MCPH1: variants seen among roughly 807,000 people sequenced by gnomAD.
MCPH1 encodes the protein microcephalin 1.
A neutral mutation model predicts 84.5 loss-of-function variants in MCPH1; 104 were observed. The observed-to-expected ratio is 1.23, with a 90% CI of 1.05 to 1.45. The LOEUF is 1.45. Among genes scored for constraint, MCPH1 ranks in the 40% most tolerant of loss-of-function variants. The pLI, the probability that MCPH1 is intolerant of heterozygous loss-of-function variation, is 0.00. For synonymous variants in MCPH1, 514 were observed against 366.8 expected (o/e 1.40, Z -4.58); for missense variants, 1,498 against 1,005.7 (o/e 1.49, Z -6.62).
chr8:6,565,065 C>T (rs895884435), intron 12 of MCPH1, among the ~76,000 whole-genome samples: 3 of 152,094 alleles, frequency 2.0e-5, no homozygotes, highest in Admixed American at 1.3e-4. Context: ...GACAGTGCAC[C>T]GTCGAAGAAA....
chr8:6,474,768 G>A (rs986622159), intron 9 of MCPH1, among the ~76,000 whole-genome samples: 4 of 152,180 alleles, frequency 2.6e-5, no homozygotes, highest in African/African-American at 9.7e-5. Context: ...TGGAGTCCAA[G>A]ATGGGAGGAT....
chr8:6,467,241 C>G (rs1050716073), intron 9 of MCPH1, among the ~76,000 whole-genome samples: 1 of 152,160 alleles, frequency 6.6e-6, no homozygotes, highest in African/African-American at 2.4e-5. Context: ...GACTGTCAAA[C>G]CAGTGACTGG....
intron 9 of MCPH1, among the ~76,000 whole-genome samples, chr8:6,474,720 TG>T (rs1808212265): frequency 6.6e-6 from 1 of 152,200 alleles, no homozygotes; most frequent in Admixed American, 6.5e-5. Context: ...ATAGTGTGGC[TG>T]GGCACAGTGG....
chr8:6,570,759 T>C (rs1003646860), intron 12 of MCPH1, among the ~76,000 whole-genome samples: 2 of 151,934 alleles, frequency 1.3e-5, no homozygotes, highest in Non-Finnish European at 2.9e-5. Context: ...TCTGTGTTCA[T>C]TGTGAAATCG....
In MCPH1 at chr8:6,642,723, C is replaced by T. The variant is rs2433148; in HGVS notation, c.2453-271C>T. 0.13 allele frequency: 65,643 copies of T among 506,872 alleles called. 4,684 individuals carry two copies. The highest frequency in any genetic ancestry group is 0.2 in the African/African-American group (10,465 of 51,882). The allele number at this position is 506,872 out of a possible 1,614,324, so 31.4% of individuals were successfully genotyped here. A position where few individuals can be genotyped will look rare whatever the true frequency, so the allele number is the denominator to read the frequency against. The stretch of plus-strand genomic sequence containing the variant: ...CTGCCCACTGAGTGTCCTGACACAA[C>T]GGGAACGTGCCCTGCATCTAATGGG... On this transcript the variant is annotated intron_variant, in intron 13 of 13. Transcript: ENST00000344683.
Position 6,455,257 on chromosome 8 carries a change from G to C in MCPH1, c.1935+5G>C. The C allele has an allele frequency of 6.3e-7, 1 of 1,587,940 alleles. No homozygotes were observed. Among genetic ancestry groups the C allele is most frequent in the Non-Finnish European group, 8.6e-7 (1 of 1,156,242 alleles). ...AAAAGTGGGAGAGGCAAAAAGGTCA[G>C]TGTGTAAAAATATTATTTTAAACTT... On this transcript the variant is annotated splice_donor_5th_base_variant and intron_variant, in intron 9 of 13. Transcript: ENST00000344683.
At position 6,588,587 on chromosome 8, in the gene MCPH1, T is replaced by G. The variant is rs77364216; in HGVS notation, c.2215-32867T>G. Among the ~76,000 whole-genome samples the G allele has an allele frequency of 2.1e-4, 32 of 152,352 alleles. No individual in the cohort carries two copies. In the East Asian group the frequency reaches 3.7e-3, roughly 17 times the overall value. ...AAGTCTGGTTGAACCAGCACTGAAC[T>G]GCCTGAGTCCATGTGAACGCATTGA... is the stretch of plus-strand genomic sequence containing the variant. On this transcript the variant is annotated intron_variant, in intron 12 of 13. Coordinates refer to ENST00000344683, the MANE Select transcript of MCPH1 (RefSeq NM_024596.5).
At position 6,505,334 on chromosome 8, in the gene MCPH1, GAAAGA is replaced by G. The variant is rs1563306213; in HGVS notation, c.2214+5407_2214+5411del. ...AACATATATATGTTATATACATATA[GAAAGA>G]ATATATATATTCTTTCTATATGTAT... is the stretch of plus-strand genomic sequence containing the variant. On this transcript the variant is annotated intron_variant, in intron 12 of 13. Transcript: ENST00000344683. Among the ~76,000 whole-genome samples, 44 of 30,818 alleles carry G rather than the reference GAAAGA, an allele frequency of 1.4e-3. 2 individuals are homozygous for G. The highest frequency in any genetic ancestry group is 4.7e-3 in the East Asian group (9 of 1,916). 20.2% of individuals were successfully genotyped at this position (30,818 alleles called of 152,430 possible).
intron 12 of MCPH1, among the ~76,000 whole-genome samples, chr8:6,585,503 T>C (rs374097308): frequency 6.6e-6 from 1 of 152,234 alleles, no homozygotes; most frequent in African/African-American, 2.4e-5. Context: ...CTCGAAAACA[T>C]GCAGTTGGGC....
In MCPH1 at chr8:6,647,081, T is replaced by C. The variant is rs1413913888; in HGVS notation, c.*4032T>C. 1.3e-5 allele frequency: 2 copies of C among 151,422 alleles called. No homozygotes were observed. Among genetic ancestry groups the C allele is most frequent in the Admixed American group, 6.6e-5 (1 of 15,174 alleles). 9.4% of individuals were successfully genotyped at this position (151,422 alleles called of 1,614,324 possible). ...TGATAAAGGACTTGTACCCAGACCA[T>C]GTAAAGAACTCATAACTCATTAATA... On this transcript the variant is annotated 3_prime_UTR_variant, in exon 14 of 14. Transcript: ENST00000344683.
chr8:6,498,944 C>T (rs1037873227), intron 11 of MCPH1, among the ~76,000 whole-genome samples: 1 of 151,960 alleles, frequency 6.6e-6, no homozygotes, highest in African/African-American at 2.4e-5. Context: ...CCCAGCTACT[C>T]AAGAGGCTGA....
chr8:6,494,520 G>C (rs1239682921), intron 11 of MCPH1: 1 of 152,166 alleles, frequency 6.6e-6, no homozygotes, highest in African/African-American at 2.4e-5. Context: ...AAAGTACTCA[G>C]TAAACACTCA....
chr8:6,574,161 C>T (rs1415663658), intron 12 of MCPH1, among the ~76,000 whole-genome samples: 1 of 152,192 alleles, frequency 6.6e-6, no homozygotes, highest in African/African-American at 2.4e-5. Flanking sequence ...GCTAAGGCTG[C>T]GGTACAATGT....
At chr8:6,493,309 T>C (rs1447150337) in intron 11 of MCPH1, among the ~76,000 whole-genome samples, 2 of 152,124 alleles carry the variant, frequency 1.3e-5, no homozygotes, top group Non-Finnish European at 2.9e-5. Context: ...AAGGATTAGG[T>C]AGAATGCAAG....
chr8:6,632,709 T>C lies in MCPH1; in HGVS notation c.2453-10285T>C, dbSNP rs1025451626. ...CTGTAGTCCCAGCTACTCGGGAGGC[T>C]GAGGCAGGAGAATCACTTAAACCTG... On this transcript the variant is annotated intron_variant, in intron 13 of 13. Coordinates refer to ENST00000344683, the MANE Select transcript of MCPH1 (RefSeq NM_024596.5). Among the ~76,000 whole-genome samples, 3 of 152,074 alleles carry C rather than the reference T, an allele frequency of 2.0e-5. No individual in the cohort carries two copies. The South Asian group carries it at 6.2e-4, about 32-fold the overall frequency.
chr8:6,508,185 C>T (rs1427283701), intron 12 of MCPH1: 5 of 152,204 alleles, frequency 3.3e-5, no homozygotes, highest in Non-Finnish European at 7.3e-5. Flanking sequence ...TGTGGTGGCT[C>T]ACACCTGTAA....
At chr8:6,532,760 C>T (rs1819769030) in intron 12 of MCPH1, among the ~76,000 whole-genome samples, 1 of 152,084 alleles carries the variant, frequency 6.6e-6, no homozygotes, top group African/African-American at 2.4e-5. Context: ...TCTAGAAGTC[C>T]ATGTCATGGC....
intron 12 of MCPH1, among the ~76,000 whole-genome samples, chr8:6,516,757 C>T (rs1175071545): frequency 6.6e-6 from 1 of 152,174 alleles, no homozygotes; most frequent in African/African-American, 2.4e-5. Flanking sequence ...TGAGCCTATC[C>T]TTGTTCCAAG....
intron 12 of MCPH1, among the ~76,000 whole-genome samples, chr8:6,560,397 G>A (rs1049434433): frequency 6.6e-6 from 1 of 152,098 alleles, no homozygotes; most frequent in Non-Finnish European, 1.5e-5. Flanking sequence ...GAGAAAATCA[G>A]TGTTTATTAT....
Sources: gnomAD v4.1 joint callset for allele counts (sites outside exome capture counted in the v4.1 genomes callset) on GRCh38, gnomAD v4.1.1 for gene constraint, MANE v1.5 for transcripts, NCBI Gene and HGNC (gene_info 2026-07-23, HGNC 2026-07-21) for gene names.